The following CDH13 variants were observed in gnomAD, a reference collection of about 807,000 sequenced individuals.
CDH13 encodes the protein cadherin-13.
In CDH13, 24 loss-of-function variants were observed where a neutral mutation model predicts 63.8. The ratio of observed to expected loss-of-function variants is 0.38; its 90% CI spans 0.27 to 0.53. The LOEUF (loss-of-function observed/expected upper bound fraction) is 0.53. Ranked by LOEUF, CDH13 falls within the 20% of genes least tolerant of loss-of-function variation. CDH13 has a pLI of 0.85. For missense variants in CDH13, 1,049 were observed against 903.1 expected (o/e 1.16, Z -2.07); for synonymous variants, 503 against 355.3 (o/e 1.42, Z -4.67).
chr16:83,478,145 G>A (rs2073656608), intron 6 of CDH13, among the ~76,000 whole-genome samples: 1 of 147,414 alleles, frequency 6.8e-6, no homozygotes, highest in East Asian at 2.0e-4. Flanking sequence ...GGGCAACAGA[G>A]CAAGACTCCG....
At chr16:83,230,745 C>A (rs1331222466) in intron 5 of CDH13, among the ~76,000 whole-genome samples, 1 of 152,174 alleles carries the variant, frequency 6.6e-6, no homozygotes, top group Non-Finnish European at 1.5e-5. Flanking sequence ...CAAGATCATG[C>A]CATTGCTCTC....
intron 8 of CDH13, among the ~76,000 whole-genome samples, chr16:83,612,197 G>A (rs1018461754): frequency 1.6e-4 from 24 of 151,916 alleles, no homozygotes; most frequent in Admixed American, 1.6e-3. Context: ...CTTATTAGAT[G>A]TATACAAATT....
At chr16:83,184,516 A>G (rs1384248833) in intron 4 of CDH13, among the ~76,000 whole-genome samples, 2 of 152,030 alleles carry the variant, frequency 1.3e-5, no homozygotes, top group African/African-American at 4.8e-5. Flanking sequence ...GCACTTTGGG[A>G]GGCTGAGGTG....
At chr16:82,764,581 A>G (rs992800670) in intron 1 of CDH13, among the ~76,000 whole-genome samples, 1 of 152,224 alleles carries the variant, frequency 6.6e-6, no homozygotes, top group Admixed American at 6.5e-5. Context: ...CATTTATTCT[A>G]CAGATGTATT....
rs541756362 is a variant in CDH13, at chr16:83,200,704, G to T, written c.484-16641G>T. On this transcript the variant is annotated intron_variant, in intron 4 of 13. Coordinates refer to ENST00000567109, the MANE Select transcript of CDH13 (RefSeq NM_001257.5). ...TACATATACCACCCACCAAAGACTT[G>T]CATGGATGGTGCAGTTTCCGAAAAA... Among the ~76,000 whole-genome samples, 7 of 152,194 alleles carry T rather than the reference G, an allele frequency of 4.6e-5. No individual in the cohort carries two copies. In the East Asian group the frequency reaches 1.4e-3, roughly 30 times the overall value.
chr16:83,253,424 G>A (rs1939136999), intron 5 of CDH13, among the ~76,000 whole-genome samples: 1 of 152,220 alleles, frequency 6.6e-6, no homozygotes, highest in Non-Finnish European at 1.5e-5. Flanking sequence ...ATCAAAGTAA[G>A]AAGCAGCCAG....
chr16:83,701,118 G>A (rs1164756592), intron 10 of CDH13, among the ~76,000 whole-genome samples: 3 of 152,102 alleles, frequency 2.0e-5, no homozygotes, highest in South Asian at 2.1e-4. Flanking sequence ...GATCTCGGCT[G>A]CAGGTTACAT....
At chr16:83,730,563 C>A (rs7200998) in intron 10 of CDH13, among the ~76,000 whole-genome samples, 4,861 of 152,268 alleles carry the variant, frequency 0.032, 251 homozygotes, top group African/African-American at 0.11. Context: ...CTAAAATATA[C>A]GGTGGTATTC....
intron 6 of CDH13, among the ~76,000 whole-genome samples, chr16:83,382,047 C>T (rs546560202): frequency 1.2e-4 from 19 of 152,252 alleles, no homozygotes; most frequent in African/African-American, 3.6e-4. Context: ...GTCCCATAAT[C>T]CAATGTGAAT....
Position 83,034,619 on chromosome 16 carries a change from T to G in CDH13, c.366+2401T>G, listed in dbSNP as rs557055519. 3.9e-5 allele frequency among the ~76,000 whole-genome samples: 6 copies of G among 152,276 alleles called. No homozygotes were observed. In the South Asian group the frequency reaches 1.2e-3, roughly 32 times the overall value. ...ACATGGAAATGGTATGGTGAGGGGGTTTGCCCATGGGCTTGAATGCATTTA... is the reference window on the plus strand; with the variant it reads ...ACATGGAAATGGTATGGTGAGGGGGGTTGCCCATGGGCTTGAATGCATTTA... On this transcript the variant is annotated intron_variant, in intron 3 of 13. Coordinates refer to ENST00000567109, the MANE Select transcript of CDH13 (RefSeq NM_001257.5).
chr16:83,737,304 G>T (rs1274426350), intron 10 of CDH13, among the ~76,000 whole-genome samples: 1 of 152,184 alleles, frequency 6.6e-6, no homozygotes, highest in Non-Finnish European at 1.5e-5. Context: ...TATCTCAGTG[G>T]TAAGTCTCGA....
intron 7 of CDH13, among the ~76,000 whole-genome samples, chr16:83,581,647 G>A (rs1009075421): frequency 2.6e-5 from 4 of 152,164 alleles, no homozygotes; most frequent in East Asian, 1.9e-4. Flanking sequence ...GTGAAATCCC[G>A]TCTCTACAAC....
At chr16:83,651,588 C>CT (rs35237670) in intron 8 of CDH13, among the ~76,000 whole-genome samples, 21,519 of 75,640 alleles carry the variant, frequency 0.28, 3,130 homozygotes, top group Non-Finnish European at 0.31. Context: ...TTATTTTCCT[C>CT]TTTTTTTTTT....
In CDH13 at chr16:83,029,995, A is replaced by T. The variant is rs555082196; in HGVS notation, c.158-2015A>T. Among the ~76,000 whole-genome samples the T allele has an allele frequency of 3.3e-5, 5 of 152,314 alleles. No homozygotes were observed. The East Asian group carries it at 9.6e-4, about 29-fold the overall frequency. The stretch of plus-strand genomic sequence containing the variant: ...CAGACAGGCAAATGCATGCACAGAT[A>T]ATGAGTTGTGATACCCATAATAATA... On this transcript the variant is annotated intron_variant, in intron 2 of 13. Transcript: ENST00000567109.
intron 7 of CDH13, among the ~76,000 whole-genome samples, chr16:83,527,120 G>A (rs1402344911): frequency 7.0e-6 from 1 of 143,004 alleles, no homozygotes; most frequent in Non-Finnish European, 1.5e-5. Context: ...AACAGAGCAA[G>A]ACTCTGTCTC....
At chr16:83,628,920 A>G (rs1475617922) in intron 8 of CDH13, among the ~76,000 whole-genome samples, 1 of 152,234 alleles carries the variant, frequency 6.6e-6, no homozygotes, top group Non-Finnish European at 1.5e-5. Context: ...TCAGCAGGAA[A>G]CCTACAATCA....
chr16:82,959,224 T>C (rs11861198), intron 2 of CDH13, among the ~76,000 whole-genome samples: 18,061 of 152,266 alleles, frequency 0.12, 1,116 homozygotes, highest in South Asian at 0.14. Context: ...ACATTTCAAA[T>C]TCATGTTTTG....
chr16:83,355,845 C>A (rs188853692), intron 6 of CDH13, among the ~76,000 whole-genome samples: 254 of 152,260 alleles, frequency 1.7e-3, no homozygotes, highest in Non-Finnish European at 2.5e-3. Context: ...TGATGCCTGT[C>A]CCAGGGTAAC....
At chr16:83,551,714 A>G (rs1299885975) in intron 7 of CDH13, among the ~76,000 whole-genome samples, 1 of 152,180 alleles carries the variant, frequency 6.6e-6, no homozygotes, top group Non-Finnish European at 1.5e-5. Flanking sequence ...CCTTGGAGAA[A>G]TAAATGCATC....
Sources: allele counts gnomAD v4.1 joint callset (sites outside exome capture counted in the v4.1 genomes callset), GRCh38; gene constraint gnomAD v4.1.1; transcripts MANE v1.5; gene names NCBI Gene and HGNC (gene_info 2026-07-23, HGNC 2026-07-21).